The following GTF2F1 variants were observed in gnomAD, a reference collection of about 807,000 sequenced individuals.
The protein encoded by GTF2F1 is general transcription factor IIF subunit 1.
GTF2F1 carries 39 observed loss-of-function variants against 63.5 expected under a neutral mutation model. The ratio of observed to expected loss-of-function variants is 0.61; its 90% CI spans 0.48 to 0.80. GTF2F1 has a LOEUF of 0.80. Among genes scored for constraint, GTF2F1 ranks in the 30% least tolerant of loss-of-function variants. GTF2F1 has a pLI of 0.00. For missense variants in GTF2F1, 657 were observed against 718.3 expected (o/e 0.91, Z 0.97); for synonymous variants, 287 against 285.3 (o/e 1.01, Z -0.06).
chr19:6,382,818 A>C (rs1220363012), intron 6 of GTF2F1, among the ~76,000 whole-genome samples: 1 of 149,886 alleles, frequency 6.7e-6, no homozygotes, highest in African/African-American at 2.5e-5. Context: ...AAAAAAAAAA[A>C]AGAAGGGCCA....
chr19:6,393,142 C>T lies in GTF2F1; in HGVS notation c.-147G>A. The T allele has an allele frequency of 9.8e-7, 1 of 1,018,740 alleles. No homozygotes were observed. The highest frequency in any genetic ancestry group is 1.6e-5 in the African/African-American group (1 of 60,740). 63.1% of individuals were successfully genotyped at this position (1,018,740 alleles called of 1,614,324 possible). A position where few individuals can be genotyped will look rare whatever the true frequency, so the allele number is the denominator to read the frequency against. The stretch of plus-strand genomic sequence containing the variant: ...ACCCCAACCCTAGGCGCCTCTGGCG[C>T]TGGGAAAAGGTAACCGGAAGAGGCG... On this transcript the variant is annotated 5_prime_UTR_variant, in exon 1 of 13. Transcript: ENST00000394456.
At position 6,389,553 on chromosome 19, in the gene GTF2F1, G is replaced by A. The variant is rs2091988177; in HGVS notation, c.217C>T (p.Arg73Cys). The A allele has an allele frequency of 5.6e-6, 9 of 1,614,196 alleles. No homozygotes were observed. Among genetic ancestry groups the A allele is most frequent in the Non-Finnish European group, 5.9e-6 (7 of 1,180,012 alleles). The change falls in exon 4 of 13, where the codon CGC (arginine) becomes TGC (cysteine). Residue 73 changes from arginine to cysteine, a missense_variant. Physicochemically the swap from Arg to Cys is radical, Grantham distance 180. Transcript: ENST00000394456. Reference sequence around the variant, plus strand: ...CTCCGAGCCTCCTCCCGAAGCTTGCGGTTGAACTCACTGCCCGCGCCCGAT... The same window carrying A: ...CTCCGAGCCTCCTCCCGAAGCTTGCAGTTGAACTCACTGCCCGCGCCCGAT... The part of the protein sequence containing the change: ...PESGAGSEFN[R>C]KLREEARRKK...
chr19:6,385,823 C>T (rs113448760), intron 5 of GTF2F1, among the ~76,000 whole-genome samples: 3 of 152,162 alleles, frequency 2.0e-5, no homozygotes, highest in East Asian at 1.9e-4. Flanking sequence ...TGGTGGCTCA[C>T]GCCTGTAATC....
chr19:6,387,471 GGAAGGCCTC>G lies in GTF2F1; in HGVS notation c.406_414del (p.Glu136_Phe138del). ...GTGAAATTGTACCAGTTGTGCACGG[GGAAGGCCTC>G]GAAGGCCCCGTCGGGGCACTGGGTG... On this transcript the variant is annotated inframe_deletion, in exon 5 of 13. Coordinates refer to ENST00000394456, the MANE Select transcript of GTF2F1 (RefSeq NM_002096.3). The G allele has an allele frequency of 6.2e-7, 1 of 1,614,206 alleles. No individual in the cohort carries two copies.
chr19:6,381,890 G>A lies in GTF2F1; in HGVS notation c.683-40C>T. The A allele has an allele frequency of 1.3e-6, 2 of 1,508,576 alleles. No individual in the cohort carries two copies. Among genetic ancestry groups the A allele is most frequent in the Non-Finnish European group, 1.8e-6 (2 of 1,093,446 alleles). 93.4% of individuals were successfully genotyped at this position (1,508,576 alleles called of 1,614,324 possible). ...AAGGAAGGAAAGGAGGGAAAGTGAGGAGGAAGGCAGTGGGTATTTATTGTG... is the reference window on the plus strand; with the variant it reads ...AAGGAAGGAAAGGAGGGAAAGTGAGAAGGAAGGCAGTGGGTATTTATTGTG... On this transcript the variant is annotated intron_variant, in intron 6 of 12. Coordinates refer to ENST00000394456, the MANE Select transcript of GTF2F1 (RefSeq NM_002096.3). The surrounding 1 kb of genome is among the most constrained non-coding windows in gnomAD (Gnocchi z 4.1).
chr19:6,387,409 C>T lies in GTF2F1; in HGVS notation c.477G>A (p.Glu159=). 6.2e-7 allele frequency: 1 copy of T among 1,614,212 alleles called. No homozygotes were observed. The highest frequency in any genetic ancestry group is 2.2e-5 in the East Asian group (1 of 44,886). The stretch of plus-strand genomic sequence containing the variant: ...CTCACCTCTCCCACTCCTCCTCGGC[C>T]TCCTCGGCAGTGAGCGTGCGATGCC... The part of the protein sequence containing the change: ...LARHRTLTAE[E]AEEEWERRNK... The change falls in exon 5 of 13, where the codon GAG becomes GAA. Residue 159 remains glutamate, a synonymous_variant. Transcript: ENST00000394456.
chr19:6,392,039 C>G, intron 2 of GTF2F1, 65 bp from the exon 3 acceptor site: 1 of 818,764 alleles, frequency 1.2e-6, no homozygotes, highest in African/African-American at 1.7e-5. Flanking sequence ...TTTAATCAGT[C>G]AATGCTATTG....
rs1421733134 is a variant in GTF2F1, at chr19:6,389,538, C to T, written c.232G>A (p.Glu78Lys). ...GSEFNRKLRE[E>K]ARRKKYGIVL... ...ATGCCGTACTTCTTCCTCCGAGCCT[C>T]CTCCCGAAGCTTGCGGTTGAACTCA... Residue 78 changes from glutamate to lysine, a missense_variant, in exon 4 of 13, where the codon GAG becomes AAG. This residue lies in a region of GTF2F1 where 602 missense variants were observed against 625.6 expected (regional missense o/e 0.96). Coordinates refer to ENST00000394456, the MANE Select transcript of GTF2F1 (RefSeq NM_002096.3). 1 of 1,614,258 alleles carries T rather than the reference C, an allele frequency of 6.2e-7. No homozygotes were observed. The highest frequency in any genetic ancestry group is 2.2e-5 in the East Asian group (1 of 44,882).
At chr19:6,387,641 T>C (rs970078607) in intron 4 of GTF2F1, 82 bp from the exon 5 acceptor site, 3 of 1,064,628 alleles carry the variant, frequency 2.8e-6, no homozygotes, top group Admixed American at 2.2e-5. Context: ...GCCTCCTTTA[T>C]GGCACTTGCC....
rs1375978611 is a variant in GTF2F1 at position 6,384,913 on chromosome 19, A to G, written c.498-1418T>C. On this transcript the variant is annotated intron_variant, in intron 5 of 12. Coordinates refer to ENST00000394456, the MANE Select transcript of GTF2F1 (RefSeq NM_002096.3). ...ATTCTCCTGCCTCAGCCTCCCGAGT[A>G]GCTGGGATTACAGGTGCCCGCCACC... Among the ~76,000 whole-genome samples the G allele has an allele frequency of 2.0e-5, 3 of 151,828 alleles. No homozygotes were observed. In the East Asian group the frequency reaches 5.8e-4, roughly 29 times the overall value.
Position 6,387,549 on chromosome 19 carries a change from T to C in GTF2F1, c.337A>G (p.Ile113Val). Residue 113 changes from isoleucine to valine, a missense_variant, in exon 5 of 13, where the codon ATC becomes GTC. Coordinates refer to ENST00000394456, the MANE Select transcript of GTF2F1 (RefSeq NM_002096.3). ...TTCTCTGTTACGCCTCCCTTCTTGA[T>C]GCCCTTGAACCTGCAGGGAGCCACG... Reference protein sequence around the residue: ...NGKSGRKFKGIKKGGVTENTS... With the variant: ...NGKSGRKFKGVKKGGVTENTS... 6.2e-7 allele frequency: 1 copy of C among 1,614,114 alleles called. No individual in the cohort carries two copies. The highest frequency in any genetic ancestry group is 8.5e-7 in the Non-Finnish European group (1 of 1,179,986).
At chr19:6,384,012 G>T (rs2091965241) in intron 5 of GTF2F1, among the ~76,000 whole-genome samples, 1 of 148,056 alleles carries the variant, frequency 6.8e-6, no homozygotes, top group Admixed American at 6.7e-5. Flanking sequence ...TCACCATGTT[G>T]GACAGGCTGG....
intron 3 of GTF2F1, among the ~76,000 whole-genome samples, chr19:6,390,671 G>A (rs1289934169): frequency 2.0e-5 from 3 of 151,740 alleles, no homozygotes; most frequent in Non-Finnish European, 2.9e-5. Context: ...CTTGAGGTCA[G>A]GAGTTCAAGA....
Position 6,381,055 on chromosome 19 carries a change from G to C in GTF2F1, c.1093-13C>G, listed in dbSNP as rs1280235477. 9 of 1,610,918 alleles carry C rather than the reference G, an allele frequency of 5.6e-6. No individual in the cohort carries two copies. The highest frequency in any genetic ancestry group is 7.6e-6 in the Non-Finnish European group (9 of 1,178,690). ...GCGTCTTCTTCTTCTGCAGAGGTCA[G>C]GGTTGGGAGGTGGGTGAGTCTGCAA... On this transcript the variant is annotated splice_polypyrimidine_tract_variant and intron_variant, in intron 10 of 12. Coordinates refer to ENST00000394456, the MANE Select transcript of GTF2F1 (RefSeq NM_002096.3). This position sits in a 1 kb window ranked among gnomAD's most constrained non-coding sequence, Gnocchi z 4.1.
At chr19:6,384,562 C>T (rs1424740148) in intron 5 of GTF2F1, among the ~76,000 whole-genome samples, 1 of 151,962 alleles carries the variant, frequency 6.6e-6, no homozygotes, top group African/African-American at 2.4e-5. Flanking sequence ...TGGGCAAGGC[C>T]CAGGCTGGTG....
intron 6 of GTF2F1, among the ~76,000 whole-genome samples, chr19:6,382,779 G>A (rs1331624271): frequency 7.1e-6 from 1 of 141,712 alleles, no homozygotes; most frequent in African/African-American, 2.7e-5. Flanking sequence ...GCCCATGTGA[G>A]AGAGAGAGAG....
rs746748912 is a variant in GTF2F1, at chr19:6,387,606, GCCC to G, written c.327-50_327-48del. 2.0e-6 allele frequency: 3 copies of G among 1,480,826 alleles called. 1 individual carries two copies. The highest frequency in any genetic ancestry group is 1.7e-4 in the Middle Eastern group (1 of 5,842). 91.7% of individuals were successfully genotyped at this position (1,480,826 alleles called of 1,614,324 possible). A position where few individuals can be genotyped will look rare whatever the true frequency, so the allele number is the denominator to read the frequency against. Reference sequence around the variant, plus strand: ...GCCTGGCCCATAGGGACCAGCCCCAGCCCCCCCGTGTCCCCCCGGGGCCTGCCT... The same window carrying G: ...GCCTGGCCCATAGGGACCAGCCCCAGCCCCGTGTCCCCCCGGGGCCTGCCT... On this transcript the variant is annotated intron_variant, in intron 4 of 12. Transcript: ENST00000394456.
chr19:6,381,519 C>T lies in GTF2F1; in HGVS notation c.898+35G>A, dbSNP rs1429696900. Reference sequence around the variant, plus strand: ...TATGAGCAAGAGCAGGGAAGCACCGCCCCCATCTCCCCGGCCCGCCCAGCC... The same window carrying T: ...TATGAGCAAGAGCAGGGAAGCACCGTCCCCATCTCCCCGGCCCGCCCAGCC... On this transcript the variant is annotated intron_variant, in intron 8 of 12. Transcript: ENST00000394456. The surrounding 1 kb of genome is among the most constrained non-coding windows in gnomAD (Gnocchi z 4.1). The T allele has an allele frequency of 1.2e-5, 19 of 1,610,130 alleles. No homozygotes were observed. Among genetic ancestry groups the T allele is most frequent in the South Asian group, 2.2e-5 (2 of 91,032 alleles).
intron 6 of GTF2F1, among the ~76,000 whole-genome samples, chr19:6,382,428 T>A (rs1192725444): frequency 6.6e-6 from 1 of 151,914 alleles, no homozygotes; most frequent in African/African-American, 2.4e-5. Flanking sequence ...GGTCGGGAGT[T>A]TGAGACCAGT....
Sources: gnomAD v4.1 joint callset for allele counts (sites outside exome capture counted in the v4.1 genomes callset) on GRCh38, gnomAD v4.1.1 for gene constraint, gnomAD v4.1.1 regional missense constraint, Gnocchi (gnomAD v3.1) non-coding constraint, MANE v1.5 for transcripts, NCBI Gene and HGNC (gene_info 2026-07-23, HGNC 2026-07-21) for gene names.